The following SLC39A12 variants were observed in gnomAD, a reference collection of about 807,000 sequenced individuals.
SLC39A12 encodes zinc transporter ZIP12.
Under a neutral mutation model 71.1 loss-of-function variants are expected in SLC39A12, and 63 were observed. The ratio of observed to expected loss-of-function variants is 0.89; its 90% confidence interval spans 0.72 to 1.09. The LOEUF (loss-of-function observed/expected upper bound fraction) is 1.09, where lower values mean the gene tolerates loss of function less well. Among genes scored for constraint, SLC39A12 ranks in the 50% least tolerant of loss-of-function variants. The pLI is 0.00. For synonymous variants in SLC39A12, 351 were observed against 301.3 expected (o/e 1.16, Z -1.71); for missense variants, 892 against 812.6 (o/e 1.10, Z -1.19).
In SLC39A12 at chr10:17,961,634, G is replaced by C; in HGVS notation, c.315G>C (p.Gln105His). 6.2e-7 allele frequency: 1 copy of C among 1,614,062 alleles called. No individual in the cohort carries two copies. The highest frequency in any genetic ancestry group is 8.5e-7 in the Non-Finnish European group (1 of 1,179,970). The change falls in exon 3 of 13, where the codon CAG (glutamine) becomes CAC (histidine). Residue 105 changes from glutamine (Q) to histidine (H), a missense_variant. Transcript: ENST00000377369. ...TAGCTGGAGGAAATTTTGAAGATCA[G>C]CTTAGAGAAGAAGTGGTCCAGAGAG... The part of the protein sequence containing the change: ...LLIAGGNFED[Q>H]LREEVVQRVS...
chr10:17,981,620 A>G (rs1835262337), intron 6 of SLC39A12, 137 bp downstream of exon 6: 1 of 653,592 alleles, frequency 1.5e-6, no homozygotes, highest in Non-Finnish European at 2.4e-6. Context: ...CCTCCTAACA[A>G]TGCTACAAGG....
At chr10:17,987,919 A>G (rs555435786) in intron 7 of SLC39A12, among the ~76,000 whole-genome samples, 19 of 152,266 alleles carry the variant, frequency 1.2e-4, no homozygotes, top group Non-Finnish European at 2.6e-4. Context: ...CACACCTGTA[A>G]TCCCAGTACC....
intron 4 of SLC39A12, among the ~76,000 whole-genome samples, chr10:17,972,252 C>T (rs1160327437): frequency 3.9e-5 from 6 of 152,146 alleles, no homozygotes; most frequent in East Asian, 1.9e-4. Flanking sequence ...TGTGACCTAA[C>T]GTATGGTCTG....
chr10:18,021,296 G>A (rs1387026638), intron 12 of SLC39A12, among the ~76,000 whole-genome samples: 2 of 151,754 alleles, frequency 1.3e-5, no homozygotes, highest in Non-Finnish European at 2.9e-5. Context: ...TTTTATTTCT[G>A]TGTTTTCTAA....
intron 4 of SLC39A12, 37 bp from the exon 5 acceptor site, chr10:17,977,865 A>G (rs1835149429): frequency 6.6e-7 from 1 of 1,505,060 alleles, no homozygotes; most frequent in Non-Finnish European, 8.9e-7. Flanking sequence ...GAACTTATCT[A>G]TTCTATGTGA....
In SLC39A12 at chr10:17,961,761, C is replaced by G. The variant is rs1554848425; in HGVS notation, c.442C>G (p.Leu148Val). ...KEYKFYLHSL[L>V]SLRQDEDSSF... The stretch of plus-strand genomic sequence containing the variant: ...GTATAAATTTTACCTACACAGCCTA[C>G]TGAGCCTCAGGCAGGATGAAGATTC... The change falls in exon 3 of 13, where the codon CTG becomes GTG. Residue 148 changes from leucine (L) to valine (V), a missense_variant. Physicochemically the swap from Leu to Val is conservative, Grantham distance 32. Transcript: ENST00000377369. 2 of 1,613,978 alleles carry G rather than the reference C, an allele frequency of 1.2e-6. No individual in the cohort carries two copies. The highest frequency in any genetic ancestry group is 2.7e-5 in the African/African-American group (2 of 74,916).
At chr10:17,994,625 G>GT (rs1835639108) in intron 9 of SLC39A12, among the ~76,000 whole-genome samples, 1 of 152,128 alleles carries the variant, frequency 6.6e-6, no homozygotes, top group South Asian at 2.1e-4. Flanking sequence ...GGATCACAAT[G>GT]TTTTTTGTTT....
chr10:18,030,622 G>T (rs1291899337), intron 12 of SLC39A12, among the ~76,000 whole-genome samples: 2,041 of 148,134 alleles, frequency 0.014, 139 homozygotes, highest in African/African-American at 0.048. Context: ...ATTTATTTAT[G>T]TATTTATTTA....
chr10:18,043,001 CAT>C lies in SLC39A12; in HGVS notation c.*172_*173del, dbSNP rs1439983543. The C allele has an allele frequency of 4.3e-6, 2 of 466,574 alleles. No homozygotes were observed. Among genetic ancestry groups the C allele is most frequent in the East Asian group, 4.3e-5 (1 of 23,284 alleles). The allele number at this position is 466,574 out of a possible 1,614,324, so 28.9% of individuals were successfully genotyped here. A position where few individuals can be genotyped will look rare whatever the true frequency, so the allele number is the denominator to read the frequency against. On this transcript the variant is annotated 3_prime_UTR_variant, in exon 13 of 13. Coordinates refer to ENST00000377369, the MANE Select transcript of SLC39A12 (RefSeq NM_001145195.2). ...TATAATGCAGTTTTATTTTTGGAAA[CAT>C]ATAAATATCAGACTGTCCTTAATTG...
At chr10:17,983,718 G>T (rs1450372182) in intron 6 of SLC39A12, among the ~76,000 whole-genome samples, 2 of 151,904 alleles carry the variant, frequency 1.3e-5, no homozygotes. Context: ...GGAGGTGGAG[G>T]TTGCAGTGAG....
At chr10:18,038,623 G>A (rs1414270435) in intron 12 of SLC39A12, among the ~76,000 whole-genome samples, 2 of 151,956 alleles carry the variant, frequency 1.3e-5, no homozygotes, top group South Asian at 2.1e-4. Flanking sequence ...CTGCACTCCA[G>A]CCTGGGCCAC....
intron 12 of SLC39A12, chr10:18,005,721 G>A (rs2130851238): frequency 6.6e-6 from 1 of 152,224 alleles, no homozygotes; most frequent in East Asian, 1.9e-4. Context: ...TCCTTTTCTT[G>A]TAAGCATAAG....
intron 6 of SLC39A12, among the ~76,000 whole-genome samples, chr10:17,983,674 C>T (rs968906807): frequency 6.6e-6 from 1 of 151,820 alleles, no homozygotes; most frequent in Non-Finnish European, 1.5e-5. Context: ...CCCAGCTACT[C>T]GGGAGGCTGA....
rs1410762617 is a variant in SLC39A12, at chr10:18,043,002, A to T, written c.*169A>T. On this transcript the variant is annotated 3_prime_UTR_variant, in exon 13 of 13. Transcript: ENST00000377369. ...ATAATGCAGTTTTATTTTTGGAAAC[A>T]TATAAATATCAGACTGTCCTTAATT... 4.3e-6 allele frequency: 2 copies of T among 464,150 alleles called. No homozygotes were observed. The highest frequency in any genetic ancestry group is 4.4e-5 in the Admixed American group (1 of 22,610). 28.8% of individuals were successfully genotyped at this position (464,150 alleles called of 1,614,324 possible). A position where few individuals can be genotyped will look rare whatever the true frequency, so the allele number is the denominator to read the frequency against.
At chr10:17,955,853 T>C (rs1301645743) in intron 2 of SLC39A12, among the ~76,000 whole-genome samples, 2 of 152,198 alleles carry the variant, frequency 1.3e-5, no homozygotes, top group African/African-American at 4.8e-5. Flanking sequence ...AGGGGTAGAA[T>C]ATAGTTTTAA....
At chr10:17,953,720 A>G (rs1834467149) in intron 2 of SLC39A12, among the ~76,000 whole-genome samples, 183 bp downstream of exon 2, 2 of 152,186 alleles carry the variant, frequency 1.3e-5, no homozygotes, top group Admixed American at 6.5e-5. Flanking sequence ...TATGTATAGC[A>G]CCTAGGGACA....
At chr10:17,956,794 G>C (rs1383295611) in intron 2 of SLC39A12, among the ~76,000 whole-genome samples, 1 of 151,926 alleles carries the variant, frequency 6.6e-6, no homozygotes, top group East Asian at 1.9e-4. Flanking sequence ...ATGGAATAAA[G>C]TGTGGAAAAC....
intron 12 of SLC39A12, among the ~76,000 whole-genome samples, chr10:18,042,196 G>A (rs1837275279): frequency 6.6e-6 from 1 of 152,122 alleles, no homozygotes; most frequent in African/African-American, 2.4e-5. Flanking sequence ...TCTACCAAAG[G>A]CCAGGTGCAG....
At chr10:18,019,958 A>T (rs186741237) in intron 12 of SLC39A12, among the ~76,000 whole-genome samples, 8 of 151,892 alleles carry the variant, frequency 5.3e-5, no homozygotes, top group African/African-American at 1.9e-4. Context: ...ATGTCTACTG[A>T]TTTTCTGCCT....
Sources: allele counts gnomAD v4.1 joint callset (sites outside exome capture counted in the v4.1 genomes callset), GRCh38; gene constraint gnomAD v4.1.1; transcripts MANE v1.5; gene names NCBI Gene and HGNC (gene_info 2026-07-23, HGNC 2026-07-21).